The following LYN variants were observed in gnomAD, a reference collection of about 807,000 sequenced individuals.
The protein encoded by LYN is tyrosine-protein kinase Lyn.
Under a neutral mutation model 65.0 loss-of-function variants are expected in LYN, and 12 were observed. That is an observed-to-expected ratio of 0.18 (90% confidence interval 0.12 to 0.30). The LOEUF (loss-of-function observed/expected upper bound fraction) is 0.30, where lower values mean the gene tolerates loss of function less well. Ranked by LOEUF, LYN falls within the 10% of genes least tolerant of loss-of-function variation. The pLI is 1.00. For synonymous variants in LYN, 222 were observed against 221.2 expected, an observed-to-expected ratio of 1.00 and a Z score of -0.03; for missense variants, 380 against 623.2, an observed-to-expected ratio of 0.61 and a Z score of 4.16.
chr8:55,928,575 G>T (rs1806176655), intron 1 of LYN, among the ~76,000 whole-genome samples: 2 of 152,074 alleles, frequency 1.3e-5, no homozygotes, highest in South Asian at 4.1e-4. Context: ...TTAAAAATCA[G>T]GTTGTTTGTT....
At chr8:55,975,026 C>G (rs1340986963) in intron 10 of LYN, among the ~76,000 whole-genome samples, 1 of 152,174 alleles carries the variant, frequency 6.6e-6, no homozygotes, top group Non-Finnish European at 1.5e-5. Context: ...CCCAATCGCT[C>G]TTTCAAGCAC....
chr8:55,920,381 ATTTC>A (rs1173735016), intron 1 of LYN, among the ~76,000 whole-genome samples: 4 of 152,198 alleles, frequency 2.6e-5, no homozygotes, highest in Non-Finnish European at 4.4e-5. Flanking sequence ...TCACAGCAAC[ATTTC>A]TTAAGTGTGA....
intron 10 of LYN, among the ~76,000 whole-genome samples, chr8:55,992,294 G>A (rs1010787339): frequency 4.6e-5 from 7 of 152,174 alleles, no homozygotes; most frequent in Admixed American, 6.5e-5. Context: ...GCCCAGAGCT[G>A]TGATAGAGAG....
In LYN at chr8:55,879,958, C is replaced by T; in HGVS notation, c.-151C>T. On this transcript the variant is annotated 5_prime_UTR_variant, in exon 1 of 13. Coordinates refer to ENST00000519728, the MANE Select transcript of LYN (RefSeq NM_002350.4). The stretch of plus-strand genomic sequence containing the variant: ...GGCGGCCGCGCCACCCCCGGCCCCG[C>T]GCCAGCAGCCCCTCGCCGCGCGTCC... 1 of 230,178 alleles carries T rather than the reference C, an allele frequency of 4.3e-6. No individual in the cohort carries two copies. 14.3% of individuals were successfully genotyped at this position (230,178 alleles called of 1,614,324 possible).
At chr8:55,983,726 T>C (rs1807995544) in intron 10 of LYN, among the ~76,000 whole-genome samples, 1 of 152,220 alleles carries the variant, frequency 6.6e-6, no homozygotes, top group Non-Finnish European at 1.5e-5. Flanking sequence ...CACTGTTCTC[T>C]GCTTTTCCTT....
intron 1 of LYN, chr8:55,893,492 C>T (rs1196183081): frequency 2.0e-5 from 3 of 152,156 alleles, no homozygotes; most frequent in Non-Finnish European, 4.4e-5. Context: ...AACACAGCAC[C>T]TTTGTTACTG....
chr8:55,953,749 C>T, intron 7 of LYN, 83 bp from the exon 8 acceptor site: 2 of 1,293,632 alleles, frequency 1.5e-6, no homozygotes, highest in Non-Finnish European at 2.2e-6. Context: ...CACTATAAGG[C>T]TAGTGTTCAA....
chr8:55,897,800 C>T (rs1269625201), intron 1 of LYN, among the ~76,000 whole-genome samples: 3 of 152,058 alleles, frequency 2.0e-5, no homozygotes, highest in Non-Finnish European at 4.4e-5. Flanking sequence ...GTATTCCCAG[C>T]TACTCAGGAG....
intron 8 of LYN, among the ~76,000 whole-genome samples, chr8:55,960,462 T>C (rs138939257): frequency 6.6e-6 from 1 of 152,326 alleles, no homozygotes; most frequent in East Asian, 1.9e-4. Flanking sequence ...AGTTTGCCTG[T>C]CAGTCAGCGA....
intron 9 of LYN, 114 bp downstream of exon 9, chr8:55,967,011 C>T (rs966226110): frequency 3.4e-5 from 32 of 940,510 alleles, no homozygotes; most frequent in Non-Finnish European, 4.0e-5. Flanking sequence ...TACCCACTAC[C>T]GAAAAATCAG....
intron 12 of LYN, among the ~76,000 whole-genome samples, chr8:56,003,545 G>A (rs1808590074): frequency 1.3e-5 from 2 of 151,994 alleles, no homozygotes; most frequent in African/African-American, 4.8e-5. Context: ...GCCAACGCCT[G>A]TAATCCTAGC....
intron 2 of LYN, among the ~76,000 whole-genome samples, chr8:55,943,431 C>T (rs1806684759): frequency 6.6e-6 from 1 of 151,672 alleles, no homozygotes; most frequent in Non-Finnish European, 1.5e-5. Context: ...CAAAAATTAG[C>T]CGGGTGTGGT....
intron 1 of LYN, among the ~76,000 whole-genome samples, chr8:55,904,103 G>T (rs6474027): frequency 0.051 from 7,800 of 152,056 alleles, 670 homozygotes; most frequent in African/African-American, 0.18. Context: ...TCTGAAAGTT[G>T]ATAAACAATG....
At chr8:55,935,931 G>T (rs908015728) in intron 1 of LYN, among the ~76,000 whole-genome samples, 8 of 152,156 alleles carry the variant, frequency 5.3e-5, no homozygotes, top group African/African-American at 1.7e-4. Flanking sequence ...AGGCTATTGT[G>T]TCCCCATGTC....
At chr8:55,904,854 G>T (rs565655833) in intron 1 of LYN, among the ~76,000 whole-genome samples, 1 of 152,164 alleles carries the variant, frequency 6.6e-6, no homozygotes, top group East Asian at 1.9e-4. Flanking sequence ...ATTAGACTGC[G>T]CATTTTACCC....
intron 8 of LYN, among the ~76,000 whole-genome samples, chr8:55,955,723 T>C (rs1807087589): frequency 1.3e-5 from 2 of 152,228 alleles, no homozygotes; most frequent in Admixed American, 1.3e-4. Flanking sequence ...CCATTCTTTC[T>C]GTCTCTATGA....
intron 1 of LYN, among the ~76,000 whole-genome samples, chr8:55,890,116 AC>A (rs1804911039): frequency 9.0e-6 from 1 of 111,022 alleles, no homozygotes; most frequent in South Asian, 3.3e-4. Flanking sequence ...GCCTCTATAG[AC>A]AAAAAAAAAA....
At chr8:55,947,253 A>G (rs574961551) in intron 3 of LYN, among the ~76,000 whole-genome samples, 1 of 152,378 alleles carries the variant, frequency 6.6e-6, no homozygotes, top group South Asian at 2.1e-4. Flanking sequence ...CCGTCTCAAA[A>G]GAGAAAAACC....
chr8:56,000,727 C>CAAAA (rs1043054300), intron 12 of LYN, among the ~76,000 whole-genome samples: 2 of 46,830 alleles, frequency 4.3e-5, no homozygotes, highest in Non-Finnish European at 8.3e-5. Flanking sequence ...GACTCTGTCT[C>CAAAA]AAAAAAAAAA....
Sources: gnomAD v4.1 joint callset for allele counts (sites outside exome capture counted in the v4.1 genomes callset) on GRCh38, gnomAD v4.1.1 for gene constraint, MANE v1.5 for transcripts, NCBI Gene and HGNC (gene_info 2026-07-23, HGNC 2026-07-21) for gene names.